The following ADAMTS17 variants were observed in gnomAD, a reference collection of about 807,000 sequenced individuals.
The protein encoded by ADAMTS17 is A disintegrin and metalloproteinase with thrombospondin motifs 17.
Under a neutral mutation model 141.5 loss-of-function variants are expected in ADAMTS17, and 113 were observed. The ratio of observed to expected loss-of-function variants is 0.80; its 90% CI spans 0.69 to 0.93. The LOEUF is 0.93. Ranked by LOEUF, ADAMTS17 falls within the 40% of genes least tolerant of loss-of-function variation. ADAMTS17 has a pLI of 0.00. For synonymous variants in ADAMTS17, 768 were observed against 630.6 expected, an observed-to-expected ratio of 1.22 and a Z score of -3.27; for missense variants, 1,659 against 1,517.9, an observed-to-expected ratio of 1.09 and a Z score of -1.54.
At chr15:100,235,598 G>T (rs779254548) in intron 7 of ADAMTS17, among the ~76,000 whole-genome samples, 1 of 152,164 alleles carries the variant, frequency 6.6e-6, no homozygotes, top group African/African-American at 2.4e-5. Context: ...CCCCGAGGAA[G>T]CTGAGAATGT....
chr15:100,307,678 A>C (rs1305952699), intron 3 of ADAMTS17, among the ~76,000 whole-genome samples: 1 of 152,200 alleles, frequency 6.6e-6, no homozygotes, highest in Non-Finnish European at 1.5e-5. Flanking sequence ...ACTGTGATGA[A>C]AACAGCTGAG....
chr15:100,271,923 C>G (rs1273292026), intron 4 of ADAMTS17, among the ~76,000 whole-genome samples: 1 of 152,078 alleles, frequency 6.6e-6, no homozygotes. Context: ...CAACTTTGTT[C>G]TTTTGCATAC....
chr15:100,236,690 T>G (rs1290813124), intron 7 of ADAMTS17, among the ~76,000 whole-genome samples: 1 of 152,050 alleles, frequency 6.6e-6, no homozygotes, highest in Non-Finnish European at 1.5e-5. Context: ...ATAAAAACAT[T>G]AGCTGGGCAT....
In ADAMTS17 at chr15:100,136,046, C is replaced by T. The variant is rs141000607; in HGVS notation, c.1474-2731G>A. 4.6e-5 allele frequency among the ~76,000 whole-genome samples: 7 copies of T among 152,310 alleles called. No homozygotes were observed. The East Asian group carries it at 1.3e-3, about 29-fold the overall frequency. On this transcript the variant is annotated intron_variant, in intron 10 of 21. Transcript: ENST00000268070. ...TATTTGCTAAAGCTGAAGACACACA[C>T]ATTCTAATACCCAGCAATTCGAATC...
At chr15:100,083,492 TTA>T (rs776933856) in intron 15 of ADAMTS17, among the ~76,000 whole-genome samples, 34 of 152,310 alleles carry the variant, frequency 2.2e-4, no homozygotes, top group Middle Eastern at 3.4e-3. Flanking sequence ...CATTTTCAGG[TTA>T]TCTTTTGAAG....
chr15:100,250,086 A>G (rs2043107392), intron 7 of ADAMTS17, among the ~76,000 whole-genome samples: 1 of 152,264 alleles, frequency 6.6e-6, no homozygotes, highest in African/African-American at 2.4e-5. Flanking sequence ...AGTATAAAAA[A>G]GCACGATTTA....
intron 7 of ADAMTS17, among the ~76,000 whole-genome samples, chr15:100,211,037 T>C (rs947575256): frequency 1.1e-4 from 16 of 151,516 alleles, no homozygotes; most frequent in Non-Finnish European, 2.2e-4. Flanking sequence ...GAGGTGGAGC[T>C]TGCAGTGAGC....
At chr15:100,149,169 C>G (rs751283702) in intron 10 of ADAMTS17, among the ~76,000 whole-genome samples, 1 of 152,234 alleles carries the variant, frequency 6.6e-6, no homozygotes, top group Non-Finnish European at 1.5e-5. Context: ...ACTGTTGATA[C>G]AGCAGGGCCT....
intron 17 of ADAMTS17, 45 bp downstream of exon 17, chr15:100,051,527 C>T (rs1247506488): frequency 2.5e-6 from 4 of 1,611,756 alleles, no homozygotes; most frequent in South Asian, 1.1e-5. Flanking sequence ...CTCCTTCCTT[C>T]AGCAAAACCC....
intron 4 of ADAMTS17, among the ~76,000 whole-genome samples, chr15:100,266,887 C>T (rs28370946): frequency 0.036 from 5,505 of 152,186 alleles, 285 homozygotes; most frequent in African/African-American, 0.12. Flanking sequence ...GATGAGACCT[C>T]CGGTGGTCCC....
chr15:100,204,827 T>A (rs979551116), intron 7 of ADAMTS17, among the ~76,000 whole-genome samples: 1 of 152,110 alleles, frequency 6.6e-6, no homozygotes, highest in Non-Finnish European at 1.5e-5. Context: ...GGGAGTGAGG[T>A]AAGGAGTCAC....
chr15:100,053,538 G>A (rs116663340), intron 16 of ADAMTS17, among the ~76,000 whole-genome samples: 2,042 of 152,258 alleles, frequency 0.013, 40 homozygotes, highest in African/African-American at 0.041. Flanking sequence ...CTCACCAACC[G>A]ATGCAAAAAC....
rs573785263 is a variant in ADAMTS17, at chr15:100,109,384, A to G, written c.1889-268T>C. Reference sequence around the variant, plus strand: ...CAGGAAGTTTCCTTTTCCTTAAGGCATCAACTATACCCGGTGAACAAAGGA... The same window carrying G: ...CAGGAAGTTTCCTTTTCCTTAAGGCGTCAACTATACCCGGTGAACAAAGGA... On this transcript the variant is annotated intron_variant, in intron 13 of 21. Transcript: ENST00000268070. Among the ~76,000 whole-genome samples the G allele has an allele frequency of 3.9e-5, 6 of 151,914 alleles. No individual in the cohort carries two copies. The South Asian group carries it at 1.2e-3, about 32-fold the overall frequency.
intron 10 of ADAMTS17, among the ~76,000 whole-genome samples, chr15:100,143,692 T>TG (rs1255150650): frequency 2.6e-5 from 4 of 152,210 alleles, no homozygotes; most frequent in African/African-American, 9.7e-5. Context: ...GGTGATAGTG[T>TG]GGGAGCCTCC....
At chr15:100,046,780 G>A (rs1371557196) in intron 18 of ADAMTS17, among the ~76,000 whole-genome samples, 2 of 152,282 alleles carry the variant, frequency 1.3e-5, no homozygotes, top group African/African-American at 4.8e-5. Flanking sequence ...AAGCTGAGGA[G>A]GCTGTATATC....
At chr15:100,335,174 C>T (rs1305886691) in intron 2 of ADAMTS17, among the ~76,000 whole-genome samples, 1 of 152,164 alleles carries the variant, frequency 6.6e-6, no homozygotes, top group Non-Finnish European at 1.5e-5. Context: ...GTCAGTTTAA[C>T]GGGCCCTCCA....
At position 100,303,152 on chromosome 15, in the gene ADAMTS17, T is replaced by C. The variant is rs1191014800; in HGVS notation, c.617-21751A>G. 2.1e-5 allele frequency among the ~76,000 whole-genome samples: 3 copies of C among 145,302 alleles called. No individual in the cohort carries two copies. In the East Asian group the frequency reaches 5.8e-4, roughly 28 times the overall value. On this transcript the variant is annotated intron_variant, in intron 3 of 21. Transcript: ENST00000268070. ...TATATATTTATATTTATATATAAAC[T>C]ATATATAAAAATATAAAAATTTATA...
intron 7 of ADAMTS17, among the ~76,000 whole-genome samples, chr15:100,231,063 G>A (rs1316181631): frequency 6.6e-6 from 1 of 152,242 alleles, no homozygotes; most frequent in East Asian, 1.9e-4. Context: ...AGAACACAGA[G>A]AGAGCGCCTG....
chr15:99,977,349 CATATATATATATATATATATATAT>C lies in ADAMTS17; in HGVS notation c.2950-1151_2950-1128del, dbSNP rs71151927. Among the ~76,000 whole-genome samples, 142 of 30,332 alleles carry C rather than the reference CATATATATATATATATATATATAT, an allele frequency of 4.7e-3. 5 individuals are homozygous for C. The highest frequency in any genetic ancestry group is 6.1e-3 in the Non-Finnish European group (117 of 19,234). The allele number at this position is 30,332 out of a possible 152,430, so 19.9% of individuals were successfully genotyped here. A position where few individuals can be genotyped will look rare whatever the true frequency, so the allele number is the denominator to read the frequency against. On this transcript the variant is annotated intron_variant, in intron 20 of 21. Coordinates refer to ENST00000268070, the MANE Select transcript of ADAMTS17 (RefSeq NM_139057.4). ...GGTTCTGTTCTCCGTCCCTCCTCTT[CATATATATATATATATATATATAT>C]ATATATATATATATATATATATATA...
Sources: allele counts gnomAD v4.1 joint callset (sites outside exome capture counted in the v4.1 genomes callset), GRCh38; gene constraint gnomAD v4.1.1; transcripts MANE v1.5; gene names NCBI Gene and HGNC (gene_info 2026-07-23, HGNC 2026-07-21).